CLN6: variants seen among roughly 807,000 people sequenced by gnomAD.
The protein encoded by CLN6 is CLN6 transmembrane ER protein, also known as ceroid-lipofuscinosis neuronal protein 6.
A neutral mutation model predicts 33.3 loss-of-function variants in CLN6; 22 were observed. The ratio of observed to expected loss-of-function variants is 0.66; its 90% CI spans 0.47 to 0.94. The LOEUF (loss-of-function observed/expected upper bound fraction) is 0.94, where lower values mean the gene tolerates loss of function less well. Ranked by LOEUF, CLN6 falls within the 40% of genes least tolerant of loss-of-function variation. The probability of loss-of-function intolerance (pLI) is 0.00; values close to 1 mark genes in which losing one functional copy is unlikely to be tolerated. For missense variants in CLN6, 387 were observed against 417.1 expected, an observed-to-expected ratio of 0.93 and a Z score of 0.63; for synonymous variants, 201 against 174.6, an observed-to-expected ratio of 1.15 and a Z score of -1.19.
chr15:68,212,074 C>G (rs996568054), intron 3 of CLN6: 1 of 595,634 alleles, frequency 1.7e-6, no homozygotes, highest in African/African-American at 1.9e-5. Context: ...CAGCACCCCC[C>G]GCTGACTTTA....
chr15:68,248,028 C>CA (rs34262273), intron 1 of CLN6, among the ~76,000 whole-genome samples: 64,627 of 117,840 alleles, frequency 0.55, 15,867 homozygotes, highest in Middle Eastern at 0.65. Flanking sequence ...AACTCAGTCT[C>CA]AAAAAAAAAA....
rs770969112 is a variant in CLN6, at chr15:68,210,444, C to G, written c.543-685G>C. ...AGATGGCAGGAGGCCTGTCCAGGGA[C>G]CCTGGACCAGCTGAGCCAGGAGGAT... is the stretch of plus-strand genomic sequence containing the variant. On this transcript the variant is annotated intron_variant, in intron 5 of 6. Coordinates refer to ENST00000249806, the MANE Select transcript of CLN6 (RefSeq NM_017882.3). The surrounding 1 kb of genome is among the most constrained non-coding windows in gnomAD (Gnocchi z 5.6). 3.0e-4 allele frequency among the ~76,000 whole-genome samples: 46 copies of G among 152,330 alleles called. No homozygotes were observed. The highest frequency in any genetic ancestry group is 9.1e-4 in the Admixed American group (14 of 15,308).
intron 2 of CLN6, chr15:68,214,680 A>C: frequency 5.1e-6 from 2 of 391,732 alleles, no homozygotes; most frequent in Admixed American, 3.7e-5. Context: ...CAGATACCAA[A>C]TAAATGACCC....
upstream of CLN6, among the ~76,000 whole-genome samples, chr15:68,234,452 C>T (rs945157922): frequency 8.5e-5 from 13 of 152,194 alleles, no homozygotes; most frequent in African/African-American, 1.7e-4. This position sits in a 1 kb window ranked among gnomAD's most constrained non-coding sequence, Gnocchi z 4.1. Context: ...GTATAGTTCA[C>T]GGCCCTGAGT....
In CLN6 at chr15:68,229,622, G is replaced by T; in HGVS notation, c.-38C>A. 7.0e-7 allele frequency: 1 copy of T among 1,431,802 alleles called. No individual in the cohort carries two copies. Among genetic ancestry groups the T allele is most frequent in the South Asian group, 1.3e-5 (1 of 75,252 alleles). The allele number at this position is 1,431,802 out of a possible 1,614,324, so 88.7% of individuals were successfully genotyped here. On this transcript the variant is annotated 5_prime_UTR_variant, in exon 1 of 7. Coordinates refer to ENST00000249806, the MANE Select transcript of CLN6 (RefSeq NM_017882.3). Reference sequence around the variant, plus strand: ...GGCCCCTCGGCCCTGCCTTTCCGAGGAAGAGACCGGTTCAGCTCGGCTGCC... The same window carrying T: ...GGCCCCTCGGCCCTGCCTTTCCGAGTAAGAGACCGGTTCAGCTCGGCTGCC...
chr15:68,229,512 G>A lies in CLN6; in HGVS notation c.73C>T (p.Leu25=). 6.8e-7 allele frequency: 1 copy of A among 1,467,504 alleles called. No individual in the cohort carries two copies. Among genetic ancestry groups the A allele is most frequent in the East Asian group, 3.0e-5 (1 of 33,454 alleles). The allele number at this position is 1,467,504 out of a possible 1,614,324, so 90.9% of individuals were successfully genotyped here. ...GPGAQLGASF[L]QARHGSVSAD... ...CCGGCGCGCGCCCACCTGGCCTGCA[G>A]GAAGGAGGCGCCCAGCTGCGCGCCT... Residue 25 remains leucine (L), a synonymous_variant, in exon 1 of 7, where the codon CTG becomes TTG. Coordinates refer to ENST00000249806, the MANE Select transcript of CLN6 (RefSeq NM_017882.3).
Position 68,211,915 on chromosome 15 carries a change from T to G in CLN6, c.298-52A>C. The stretch of plus-strand genomic sequence containing the variant: ...ATGACCCCACCTCTGTCACAGTATG[T>G]GACACCCTCTGCTTCCCCCCTCACA... On this transcript the variant is annotated intron_variant, in intron 3 of 6. Transcript: ENST00000249806. This position sits in a 1 kb window ranked among gnomAD's most constrained non-coding sequence, Gnocchi z 5.9. 3.8e-6 allele frequency: 6 copies of G among 1,569,556 alleles called. No homozygotes were observed. Among genetic ancestry groups the G allele is most frequent in the Non-Finnish European group, 5.2e-6 (6 of 1,144,468 alleles).
At chr15:68,233,146 C>G (rs1007798074), upstream of CLN6, among the ~76,000 whole-genome samples, 1 of 152,200 alleles carries the variant, frequency 6.6e-6, no homozygotes, top group Non-Finnish European at 1.5e-5. This position sits in a 1 kb window ranked among gnomAD's most constrained non-coding sequence, Gnocchi z 4.3. Context: ...GCCCTCCCTT[C>G]TCCTCTGTCT....
chr15:68,225,865 C>A (rs1474673859), intron 1 of CLN6, among the ~76,000 whole-genome samples: 1 of 151,202 alleles, frequency 6.6e-6, no homozygotes, highest in Non-Finnish European at 1.5e-5. Flanking sequence ...CCCAGCTACT[C>A]GGGAGGCTGA....
In CLN6 at chr15:68,229,709, G is replaced by T. The variant is rs2093263548; in HGVS notation, c.-125C>A. The stretch of plus-strand genomic sequence containing the variant: ...GTTCGGGGCGGGCCGGCGAGAGCGC[G>T]CGGCCCTCGGGAGGAACAGGCGGGG... On this transcript the variant is annotated 5_prime_UTR_variant, in exon 1 of 7. Coordinates refer to ENST00000249806, the MANE Select transcript of CLN6 (RefSeq NM_017882.3). 1 of 684,040 alleles carries T rather than the reference G, an allele frequency of 1.5e-6. No homozygotes were observed. Among genetic ancestry groups the T allele is most frequent in the Non-Finnish European group, 2.1e-6 (1 of 479,482 alleles). The allele number at this position is 684,040 out of a possible 1,614,324, so 42.4% of individuals were successfully genotyped here.
rs1486262204 is a variant in CLN6 at position 68,219,309 on chromosome 15, T to G, written c.84-659A>C. Among the ~76,000 whole-genome samples the G allele has an allele frequency of 6.6e-6, 1 of 152,148 alleles. No individual in the cohort carries two copies. ...CAGAGCCCTCCAATGAAATGTGCTT[T>G]AGAGAGACTGAAATGGATAGGGCCT... On this transcript the variant is annotated intron_variant, in intron 1 of 6. Transcript: ENST00000249806. The surrounding 1 kb of genome is among the most constrained non-coding windows in gnomAD (Gnocchi z 4.2).
rs1468450994 is a variant in CLN6 at position 68,241,493 on chromosome 15, G to A, written c.179+15197C>T. On this transcript the variant is annotated intron_variant, in intron 1 of 6. Transcript: ENST00000538696. This position sits in a 1 kb window ranked among gnomAD's most constrained non-coding sequence, Gnocchi z 4.2. ...GCACTGGAAAAAGTGAGATTGAGGT[G>A]GACGACTAGCTTTTCCACCATTGTG... 6.6e-6 allele frequency among the ~76,000 whole-genome samples: 1 copy of A among 152,132 alleles called. No individual in the cohort carries two copies. Among genetic ancestry groups the A allele is most frequent in the Non-Finnish European group, 1.5e-5 (1 of 68,034 alleles).
chr15:68,248,028 C>CAAAAAA (rs34262273), intron 1 of CLN6, among the ~76,000 whole-genome samples: 1 of 118,182 alleles, frequency 8.5e-6, no homozygotes, highest in Admixed American at 8.6e-5. Flanking sequence ...AACTCAGTCT[C>CAAAAAA]AAAAAAAAAA....
chr15:68,240,693 A>T (rs867616252), intron 1 of CLN6, among the ~76,000 whole-genome samples: 1 of 151,214 alleles, frequency 6.6e-6, no homozygotes, highest in Non-Finnish European at 1.5e-5. Flanking sequence ...TAAAAAAAAA[A>T]GGGGACAGGG....
At chr15:68,255,003 CT>C (rs528278572) in intron 1 of CLN6, 215 of 746,894 alleles carry the variant, frequency 2.9e-4, no homozygotes, top group African/African-American at 2.7e-3. Context: ...TTTGTTTTAC[CT>C]TTTTTTTAAG....
intron 2 of CLN6, chr15:68,215,013 AG>A: frequency 6.4e-6 from 1 of 157,174 alleles, no homozygotes; most frequent in Non-Finnish European, 1.4e-5. Flanking sequence ...AAGGCAGGCC[AG>A]GGGCAGTTCC....
intron 1 of CLN6, among the ~76,000 whole-genome samples, chr15:68,225,698 C>T (rs550806547): frequency 1.3e-5 from 2 of 152,292 alleles, no homozygotes; most frequent in East Asian, 1.9e-4. Context: ...AAAGGCTGGG[C>T]GCAGTGGCTC....
chr15:68,210,849 C>T lies in CLN6; in HGVS notation c.542+414G>A, dbSNP rs553967600. Among the ~76,000 whole-genome samples the T allele has an allele frequency of 1.3e-5, 2 of 152,306 alleles. No homozygotes were observed. Among genetic ancestry groups the T allele is most frequent in the Admixed American group, 6.5e-5 (1 of 15,308 alleles). ...CCACTCCCAAAGAGCAGGCCCGACA[C>T]GGGTGGGGGTCCCTGGCTGTGCCCC... On this transcript the variant is annotated intron_variant, in intron 5 of 6. Coordinates refer to ENST00000249806, the MANE Select transcript of CLN6 (RefSeq NM_017882.3). The surrounding 1 kb of genome is among the most constrained non-coding windows in gnomAD (Gnocchi z 5.6).
In CLN6 at chr15:68,208,947, T is replaced by G. The variant is rs368225025; in HGVS notation, c.666-537A>C. ...AGAGCTGGCCCAGGAAAGGAGGCCC[T>G]TTTCATTTTGAGGGAGGCCTCCCAT... On this transcript the variant is annotated intron_variant, in intron 6 of 6. Transcript: ENST00000249806. This position sits in a 1 kb window ranked among gnomAD's most constrained non-coding sequence, Gnocchi z 5.8. Among the ~76,000 whole-genome samples the G allele has an allele frequency of 1.4e-3, 207 of 152,256 alleles. No homozygotes were observed. Among genetic ancestry groups the G allele is most frequent in the African/African-American group, 4.8e-3 (198 of 41,536 alleles).
Sources: allele counts gnomAD v4.1 joint callset (sites outside exome capture counted in the v4.1 genomes callset), GRCh38; gene constraint gnomAD v4.1.1; non-coding constraint Gnocchi (gnomAD v3.1); transcripts MANE v1.5; gene names NCBI Gene and HGNC (gene_info 2026-07-23, HGNC 2026-07-21).